The following ABRAXAS2 variants were observed in gnomAD, a reference collection of about 807,000 sequenced individuals.
ABRAXAS2 encodes the protein BRISC complex subunit Abraxas 2.
ABRAXAS2 carries 23 observed loss-of-function variants against 49.0 expected under a neutral mutation model. The ratio of observed to expected loss-of-function variants is 0.47; its 90% confidence interval spans 0.34 to 0.66. ABRAXAS2 has a LOEUF of 0.66. Ranked by LOEUF, ABRAXAS2 falls within the 30% of genes least tolerant of loss-of-function variation. The pLI, the probability that ABRAXAS2 is intolerant of heterozygous loss-of-function variation, is 0.01. For synonymous variants in ABRAXAS2, 168 were observed against 180.2 expected (o/e 0.93, Z 0.54); for missense variants, 443 against 511.9 (o/e 0.87, Z 1.30).
At chr10:124,823,499 G>A (rs541974167) in intron 4 of ABRAXAS2, among the ~76,000 whole-genome samples, 5 of 152,206 alleles carry the variant, frequency 3.3e-5, no homozygotes, top group East Asian at 1.9e-4. Context: ...AGGAGGATTC[G>A]TGCTTTCCGG....
At chr10:124,826,417 G>T (rs190059771) in intron 4 of ABRAXAS2, among the ~76,000 whole-genome samples, 178 bp from the exon 5 acceptor site, 2 of 152,162 alleles carry the variant, frequency 1.3e-5, no homozygotes, top group Non-Finnish European at 2.9e-5. Context: ...TAGGATTCCA[G>T]CATATGCCTG....
At position 124,835,085 on chromosome 10, in the gene ABRAXAS2, G is replaced by A; in HGVS notation, c.*114G>A. 1 of 763,616 alleles carries A rather than the reference G, an allele frequency of 1.3e-6. No homozygotes were observed. The highest frequency in any genetic ancestry group is 2.7e-5 in the East Asian group (1 of 37,098). The allele number at this position is 763,616 out of a possible 1,614,324, so 47.3% of individuals were successfully genotyped here. A position where few individuals can be genotyped will look rare whatever the true frequency, so the allele number is the denominator to read the frequency against. On this transcript the variant is annotated 3_prime_UTR_variant, in exon 9 of 9. Transcript: ENST00000298492. ...CTTTCTCAGATACCTTAACTCCCGA[G>A]AAGAGAGTCCTTGTGCACAGAACTT...
In ABRAXAS2 at chr10:124,834,721, G is replaced by C; in HGVS notation, c.998G>C (p.Arg333Pro). 6.2e-7 allele frequency: 1 copy of C among 1,614,044 alleles called. No individual in the cohort carries two copies. Among genetic ancestry groups the C allele is most frequent in the Non-Finnish European group, 8.5e-7 (1 of 1,180,016 alleles). Residue 333 changes from arginine (R) to proline (P), a missense_variant, in exon 9 of 9, where the codon CGA (arginine) becomes CCA (proline). By Grantham distance (103) the Arg-to-Pro change is moderately radical. Coordinates refer to ENST00000298492, the MANE Select transcript of ABRAXAS2 (RefSeq NM_032182.4). ...SRMERSVFMP[R>P]PQAVGSSNYA... Reference sequence around the variant, plus strand: ...ATGGAAAGGAGTGTCTTTATGCCTCGACCTCAAGCTGTGGGCTCTTCCAAT... The same window carrying C: ...ATGGAAAGGAGTGTCTTTATGCCTCCACCTCAAGCTGTGGGCTCTTCCAAT...
chr10:124,829,794 C>G (rs2134172318), intron 7 of ABRAXAS2, among the ~76,000 whole-genome samples: 1 of 152,290 alleles, frequency 6.6e-6, no homozygotes, highest in Non-Finnish European at 1.5e-5. Context: ...CAGTTATATT[C>G]TAAGTAGAGA....
chr10:124,828,098 G>A (rs138082145), intron 5 of ABRAXAS2, among the ~76,000 whole-genome samples: 15 of 152,312 alleles, frequency 9.8e-5, no homozygotes, highest in East Asian at 7.7e-4. Context: ...GAGGTGCTCC[G>A]TGAGACCTTC....
Sources: allele counts gnomAD v4.1 joint callset (sites outside exome capture counted in the v4.1 genomes callset), GRCh38; gene constraint gnomAD v4.1.1; transcripts MANE v1.5; gene names NCBI Gene and HGNC (gene_info 2026-07-23, HGNC 2026-07-21).